Variants in RIN3 observed in about 807,000 individuals in gnomAD.
RIN3 encodes Ras and Rab interactor 3.
In RIN3, 54 loss-of-function variants were observed where a neutral mutation model predicts 76.3. That is an observed-to-expected ratio of 0.71 (90% confidence interval 0.57 to 0.89). The LOEUF (loss-of-function observed/expected upper bound fraction) is 0.89. Among genes scored for constraint, RIN3 ranks in the 40% least tolerant of loss-of-function variants. RIN3 has a pLI of 0.00. For missense variants in RIN3, 1,256 were observed against 1,322.1 expected (o/e 0.95, Z 0.78); for synonymous variants, 576 against 564.0 (o/e 1.02, Z -0.30).
rs573533686 is a variant in RIN3 at position 92,637,802 on chromosome 14, A to G, written c.441-3436A>G. Among the ~76,000 whole-genome samples the G allele has an allele frequency of 2.0e-5, 3 of 152,316 alleles. No individual in the cohort carries two copies. The East Asian group carries it at 5.8e-4, about 29-fold the overall frequency. ...AAAAATGTAGTAAGTGGTTTGTGATACTGATTGAAAGTTTTGCCTTGTAGA... is the reference window on the plus strand; with the variant it reads ...AAAAATGTAGTAAGTGGTTTGTGATGCTGATTGAAAGTTTTGCCTTGTAGA... On this transcript the variant is annotated intron_variant, in intron 4 of 9. Coordinates refer to ENST00000216487, the MANE Select transcript of RIN3 (RefSeq NM_024832.5).
intron 4 of RIN3, 124 bp from the exon 5 acceptor site, chr14:92,641,114 G>C: frequency 1.4e-6 from 1 of 718,718 alleles, no homozygotes; most frequent in Non-Finnish European, 2.5e-6. Context: ...TCAGCTCCAG[G>C]GAAGCTTCCA....
chr14:92,635,462 C>T (rs957766849), intron 4 of RIN3, among the ~76,000 whole-genome samples: 8 of 152,108 alleles, frequency 5.3e-5, no homozygotes, highest in East Asian at 1.9e-4. Context: ...GAGCAAGCTG[C>T]GGAAAAGGGG....
At chr14:92,524,521 A>G (rs1424552821) in intron 1 of RIN3, among the ~76,000 whole-genome samples, 1 of 152,210 alleles carries the variant, frequency 6.6e-6, no homozygotes, top group African/African-American at 2.4e-5. Context: ...GCTCAACAAC[A>G]GCCTAAGACC....
chr14:92,536,139 A>G (rs959037963), intron 1 of RIN3, among the ~76,000 whole-genome samples: 2 of 152,086 alleles, frequency 1.3e-5, no homozygotes, highest in Non-Finnish European at 2.9e-5. Flanking sequence ...GCTTTATCAT[A>G]AGCCTTGATA....
chr14:92,617,049 A>G (rs1885995119), intron 4 of RIN3, among the ~76,000 whole-genome samples: 1 of 152,204 alleles, frequency 6.6e-6, no homozygotes, highest in South Asian at 2.1e-4. Flanking sequence ...CTGTGATCCC[A>G]GCACTTTGGG....
intron 1 of RIN3, among the ~76,000 whole-genome samples, chr14:92,524,059 T>C (rs1220535120): frequency 6.6e-6 from 1 of 152,104 alleles, no homozygotes; most frequent in Non-Finnish European, 1.5e-5. Context: ...CTGGGCATGG[T>C]GGTGTGCACT....
chr14:92,543,017 TG>T (rs1473274152), intron 1 of RIN3, among the ~76,000 whole-genome samples: 1 of 152,174 alleles, frequency 6.6e-6, no homozygotes, highest in Middle Eastern at 3.2e-3. Flanking sequence ...TTGATTGTGG[TG>T]GTGGTTGCAC....
rs1273000686 is a variant in RIN3, at chr14:92,656,214, G to C, written c.2027-2947G>C. On this transcript the variant is annotated intron_variant, in intron 6 of 9. Coordinates refer to ENST00000216487, the MANE Select transcript of RIN3 (RefSeq NM_024832.5). This position sits in a 1 kb window ranked among gnomAD's most constrained non-coding sequence, Gnocchi z 5.2. ...GGGATGCTAAGCCGTGGAAAGGGTAGTGGAAGGACTTTCCTTCCGGAAAGG... is the reference window on the plus strand; with the variant it reads ...GGGATGCTAAGCCGTGGAAAGGGTACTGGAAGGACTTTCCTTCCGGAAAGG... Among the ~76,000 whole-genome samples, 1 of 152,206 alleles carries C rather than the reference G, an allele frequency of 6.6e-6. No homozygotes were observed. Among genetic ancestry groups the C allele is most frequent in the Non-Finnish European group, 1.5e-5 (1 of 68,036 alleles).
Position 92,623,621 on chromosome 14 carries a change from T to C in RIN3, c.440+8142T>C, listed in dbSNP as rs1486465104. On this transcript the variant is annotated intron_variant, in intron 4 of 9. Transcript: ENST00000216487. The surrounding 1 kb of genome is among the most constrained non-coding windows in gnomAD (Gnocchi z 4.9). ...TTTACGGCGTTGTGGTTTCTTTTTT[T>C]CTGGTTGTTGAAATGCCAGGGTGAA... Among the ~76,000 whole-genome samples, 1 of 152,208 alleles carries C rather than the reference T, an allele frequency of 6.6e-6. No individual in the cohort carries two copies. Among genetic ancestry groups the C allele is most frequent in the African/African-American group, 2.4e-5 (1 of 41,428 alleles).
At chr14:92,654,330 A>T (rs1381768972) in intron 6 of RIN3, among the ~76,000 whole-genome samples, 1 of 113,606 alleles carries the variant, frequency 8.8e-6, no homozygotes, top group Non-Finnish European at 2.0e-5. Flanking sequence ...AAAAAAAGAA[A>T]AGAAAAGAAA....
At chr14:92,555,312 A>G (rs527621248) in intron 1 of RIN3, among the ~76,000 whole-genome samples, 1 of 152,234 alleles carries the variant, frequency 6.6e-6, no homozygotes, top group South Asian at 2.1e-4. Context: ...CTTGTACCAT[A>G]GCTGTGTCTC....
At chr14:92,525,391 G>A (rs1896703478) in intron 1 of RIN3, among the ~76,000 whole-genome samples, 1 of 152,182 alleles carries the variant, frequency 6.6e-6, no homozygotes, top group African/African-American at 2.4e-5. Context: ...GCACCATAAA[G>A]GGCACAGAAT....
intron 1 of RIN3, among the ~76,000 whole-genome samples, chr14:92,551,276 G>A (rs1046805180): frequency 6.6e-6 from 1 of 152,150 alleles, no homozygotes; most frequent in East Asian, 1.9e-4. Context: ...ATGTGGTTGT[G>A]CGTGTGGTTA....
chr14:92,642,286 A>C (rs1035669122), intron 5 of RIN3, among the ~76,000 whole-genome samples: 8 of 151,800 alleles, frequency 5.3e-5, no homozygotes, highest in Non-Finnish European at 1.0e-4. Flanking sequence ...ATATTTTAAC[A>C]TGGTCTCTCC....
chr14:92,529,092 C>T (rs1325006305), intron 1 of RIN3, among the ~76,000 whole-genome samples: 1 of 152,092 alleles, frequency 6.6e-6, no homozygotes, highest in Non-Finnish European at 1.5e-5. Context: ...GGTGGAGACC[C>T]CCCTGCTCTG....
At chr14:92,617,533 A>G (rs1481647110) in intron 4 of RIN3, among the ~76,000 whole-genome samples, 4 of 152,168 alleles carry the variant, frequency 2.6e-5, no homozygotes, top group African/African-American at 9.7e-5. Context: ...ACCATATGAC[A>G]TTCTAGAGAT....
intron 1 of RIN3, among the ~76,000 whole-genome samples, chr14:92,526,906 G>T (rs1896748220): frequency 6.6e-6 from 1 of 152,158 alleles, no homozygotes; most frequent in South Asian, 2.1e-4. Flanking sequence ...CCCTCCAAAG[G>T]CCTTCTGGGA....
intron 2 of RIN3, among the ~76,000 whole-genome samples, chr14:92,562,532 G>A (rs547627303): frequency 2.2e-4 from 33 of 152,240 alleles, no homozygotes; most frequent in Admixed American, 5.2e-4. Context: ...ATATCATTGT[G>A]GAATCAGGGG....
chr14:92,664,669 C>A (rs1226093922), intron 7 of RIN3, among the ~76,000 whole-genome samples: 1 of 152,146 alleles, frequency 6.6e-6, no homozygotes, highest in African/African-American at 2.4e-5. Flanking sequence ...TGAGCCCGGC[C>A]ATTCATCATT....
Sources: allele counts gnomAD v4.1 joint callset (sites outside exome capture counted in the v4.1 genomes callset), GRCh38; gene constraint gnomAD v4.1.1; non-coding constraint Gnocchi (gnomAD v3.1); transcripts MANE v1.5; gene names NCBI Gene and HGNC (gene_info 2026-07-23, HGNC 2026-07-21).